Variants in GDNF observed in about 807,000 individuals in gnomAD.
GDNF encodes glial cell line-derived neurotrophic factor.
Under a neutral mutation model 13.7 loss-of-function variants are expected in GDNF, and 5 were observed. That is an observed-to-expected ratio of 0.36 (90% CI 0.19 to 0.77). The LOEUF (loss-of-function observed/expected upper bound fraction) is 0.77. Ranked by LOEUF, GDNF falls within the 30% of genes least tolerant of loss-of-function variation. The pLI, the probability that GDNF is intolerant of heterozygous loss-of-function variation, is 0.51. For missense variants in GDNF, 246 were observed against 274.3 expected (o/e 0.90, Z 0.73); for synonymous variants, 122 against 112.5 (o/e 1.08, Z -0.53).
chr5:37,828,410 G>A (rs772343793), intron 2 of GDNF, among the ~76,000 whole-genome samples: 1 of 152,174 alleles, frequency 6.6e-6, no homozygotes, highest in Non-Finnish European at 1.5e-5. Context: ...TAAGCCTACC[G>A]CAGCCCAAAT....
chr5:37,819,281 C>A (rs1193807821), intron 2 of GDNF, among the ~76,000 whole-genome samples: 1 of 152,176 alleles, frequency 6.6e-6, no homozygotes, highest in Middle Eastern at 3.4e-3. Context: ...ACAGTCATTG[C>A]CCACCAGAGA....
rs1749775039 is a variant in GDNF at position 37,812,919 on chromosome 5, G to A, written c.*2732C>T. 6.6e-6 allele frequency: 1 copy of A among 152,202 alleles called. No individual in the cohort carries two copies. The highest frequency in any genetic ancestry group is 2.4e-5 in the African/African-American group (1 of 41,454). The allele number at this position is 152,202 out of a possible 1,614,324, so 9.4% of individuals were successfully genotyped here. A position where few individuals can be genotyped will look rare whatever the true frequency, so the allele number is the denominator to read the frequency against. On this transcript the variant is annotated 3_prime_UTR_variant, in exon 3 of 3. Coordinates refer to ENST00000326524, the MANE Select transcript of GDNF (RefSeq NM_000514.4). ...GCTTCCATTAAAACCTGCTTGTGGT[G>A]TGTAGGTGATGCCGGGAACGAGCTA...
rs1297758169 is a variant in GDNF, at chr5:37,838,187, G to T, written c.-27+1320C>A. Reference sequence around the variant, plus strand: ...CACTTCTCGCAGGCAAACTGGGAAAGCGGTCTGTTTAAAGGGCCAGGTTCC... The same window carrying T: ...CACTTCTCGCAGGCAAACTGGGAAATCGGTCTGTTTAAAGGGCCAGGTTCC... On this transcript the variant is annotated intron_variant, in intron 1 of 2. Coordinates refer to ENST00000326524, the MANE Select transcript of GDNF (RefSeq NM_000514.4). This position sits in a 1 kb window ranked among gnomAD's most constrained non-coding sequence, Gnocchi z 4.1. Among the ~76,000 whole-genome samples, 1 of 152,168 alleles carries T rather than the reference G, an allele frequency of 6.6e-6. No individual in the cohort carries two copies. The highest frequency in any genetic ancestry group is 2.4e-5 in the African/African-American group (1 of 41,426).
intron 2 of GDNF, among the ~76,000 whole-genome samples, chr5:37,818,469 G>C (rs1750009430): frequency 1.3e-5 from 2 of 152,130 alleles, no homozygotes; most frequent in Admixed American, 1.3e-4. Flanking sequence ...ATGATTGTGA[G>C]GCCTCTCCAG....
chr5:37,819,424 G>A (rs986833063), intron 2 of GDNF, among the ~76,000 whole-genome samples: 4 of 150,502 alleles, frequency 2.7e-5, no homozygotes, highest in Admixed American at 6.6e-5. Flanking sequence ...TCTTAAGGGG[G>A]CCCAGGGAAG....
chr5:37,818,620 C>T (rs1177748387), intron 2 of GDNF, among the ~76,000 whole-genome samples: 3 of 152,190 alleles, frequency 2.0e-5, no homozygotes, highest in Non-Finnish European at 2.9e-5. Context: ...CAAGGTATCT[C>T]TGGATATTGC....
At position 37,839,961 on chromosome 5, in the gene GDNF, T is replaced by C. The variant is rs1303140193; in HGVS notation, c.-481A>G. 1 of 152,294 alleles carries C rather than the reference T, an allele frequency of 6.6e-6. No individual in the cohort carries two copies. Among genetic ancestry groups the C allele is most frequent in the African/African-American group, 2.4e-5 (1 of 41,428 alleles). 9.4% of individuals were successfully genotyped at this position (152,294 alleles called of 1,614,324 possible). ...GATGCTGCTGCCGGAGCTGAGGTCT[T>C]GCCTGGAGATCCGAACGAGACACCA... is the stretch of plus-strand genomic sequence containing the variant. On this transcript the variant is annotated 5_prime_UTR_variant, in exon 1 of 3. Coordinates refer to ENST00000326524, the MANE Select transcript of GDNF (RefSeq NM_000514.4). The surrounding 1 kb of genome is among the most constrained non-coding windows in gnomAD (Gnocchi z 5.5).
At chr5:37,827,588 C>T (rs1265021578) in intron 2 of GDNF, among the ~76,000 whole-genome samples, 1 of 152,222 alleles carries the variant, frequency 6.6e-6, no homozygotes, top group Non-Finnish European at 1.5e-5. Context: ...CTTGGGAAGC[C>T]TCAGTGCTTT....
chr5:37,835,866 C>A (rs758693140), intron 1 of GDNF: 17 of 610,318 alleles, frequency 2.8e-5, no homozygotes, highest in Admixed American at 1.1e-4. Context: ...CGTGGTACGG[C>A]GCAGAGTAGG....
intron 2 of GDNF, among the ~76,000 whole-genome samples, chr5:37,820,795 T>C (rs905808484): frequency 6.6e-6 from 1 of 152,182 alleles, no homozygotes. Flanking sequence ...TCCTGGCATG[T>C]GGCTTTTGAA....
intron 2 of GDNF, among the ~76,000 whole-genome samples, chr5:37,825,707 T>G (rs1750288686): frequency 6.6e-6 from 1 of 152,214 alleles, no homozygotes; most frequent in South Asian, 2.1e-4. Context: ...CCTGAGAGGC[T>G]GCAGGACCCT....
chr5:37,815,893 G>T lies in GDNF; in HGVS notation c.394C>A (p.Leu132Met). ...AGTTCCTCCTTGGTTTCATAGCCCA[G>T]ACCCAAGTCAGTGACATTTAAATGT... Reference protein sequence around the residue: ...AIHLNVTDLGLGYETKEELIF... With the variant: ...AIHLNVTDLGMGYETKEELIF... The change falls in exon 3 of 3, where the codon CTG (leucine) becomes ATG (methionine). Residue 132 changes from leucine to methionine, a missense_variant. By Grantham distance (15) the Leu-to-Met change is conservative. Transcript: ENST00000326524. This position sits in a 1 kb window ranked among gnomAD's most constrained non-coding sequence, Gnocchi z 5.0. The T allele has an allele frequency of 6.2e-7, 1 of 1,614,132 alleles. No homozygotes were observed.
Position 37,838,578 on chromosome 5 carries a change from T to C in GDNF, c.-27+929A>G, listed in dbSNP as rs1185569752. On this transcript the variant is annotated intron_variant, in intron 1 of 2. Transcript: ENST00000326524. The surrounding 1 kb of genome is among the most constrained non-coding windows in gnomAD (Gnocchi z 4.1). ...AGCCCCCCGGGGGCGCGCACATGGG[T>C]CCTGGCGGCGGATTCTACCAAAGCC... Among the ~76,000 whole-genome samples, 2 of 152,168 alleles carry C rather than the reference T, an allele frequency of 1.3e-5. No individual in the cohort carries two copies. The highest frequency in any genetic ancestry group is 2.9e-5 in the Non-Finnish European group (2 of 67,994).
chr5:37,824,777 C>T (rs895070840), intron 2 of GDNF, among the ~76,000 whole-genome samples: 5 of 152,194 alleles, frequency 3.3e-5, no homozygotes, highest in African/African-American at 1.2e-4. Context: ...GGTTAACTTT[C>T]AGAAGTGTCC....
chr5:37,835,133 C>T (rs534203040), intron 1 of GDNF, among the ~76,000 whole-genome samples: 130 of 151,868 alleles, frequency 8.6e-4, no homozygotes, highest in African/African-American at 2.9e-3. Flanking sequence ...CCCCCACCAC[C>T]ACGATTCCTG....
rs1171669281 is a variant in GDNF, at chr5:37,837,164, T to TA, written c.-27+2342dup. On this transcript the variant is annotated intron_variant, in intron 1 of 2. Transcript: ENST00000326524. The surrounding 1 kb of genome is among the most constrained non-coding windows in gnomAD (Gnocchi z 6.5). The stretch of plus-strand genomic sequence containing the variant: ...ACAGCGTCTACTAGGACGTTTTTCT[T>TA]AGAGTCCGTGTGGGCTCCACCCCTC... 3.3e-5 allele frequency among the ~76,000 whole-genome samples: 5 copies of TA among 152,206 alleles called. No homozygotes were observed. The highest frequency in any genetic ancestry group is 6.5e-5 in the Admixed American group (1 of 15,284).
Position 37,837,590 on chromosome 5 carries a change from G to A in GDNF, c.-27+1917C>T, listed in dbSNP as rs1053833230. On this transcript the variant is annotated intron_variant, in intron 1 of 2. Coordinates refer to ENST00000326524, the MANE Select transcript of GDNF (RefSeq NM_000514.4). This position sits in a 1 kb window ranked among gnomAD's most constrained non-coding sequence, Gnocchi z 6.5. ...GGGCACCAGAAACCGTCTGAGCCGT[G>A]TCGCGCCCACGCGGCCCGGAGGCTG... Among the ~76,000 whole-genome samples, 53 of 152,356 alleles carry A rather than the reference G, an allele frequency of 3.5e-4. No homozygotes were observed. Among genetic ancestry groups the A allele is most frequent in the African/African-American group, 1.2e-3 (49 of 41,586 alleles).
In GDNF at chr5:37,839,906, A is replaced by G. The variant is rs1750838452; in HGVS notation, c.-426T>C. On this transcript the variant is annotated 5_prime_UTR_variant, in exon 1 of 3. Coordinates refer to ENST00000326524, the MANE Select transcript of GDNF (RefSeq NM_000514.4). The surrounding 1 kb of genome is among the most constrained non-coding windows in gnomAD (Gnocchi z 5.5). ...CGCGCTCTGCGCCTCCTCTGGGCGC[A>G]CTGCCTGGGAGCACGAGACTGGTTT... 1 of 152,320 alleles carries G rather than the reference A, an allele frequency of 6.6e-6. No individual in the cohort carries two copies. The highest frequency in any genetic ancestry group is 2.4e-5 in the African/African-American group (1 of 41,438). 9.4% of individuals were successfully genotyped at this position (152,320 alleles called of 1,614,324 possible).
intron 2 of GDNF, among the ~76,000 whole-genome samples, chr5:37,832,353 CTGGT>C (rs2111709544): frequency 6.6e-6 from 1 of 152,314 alleles, no homozygotes; most frequent in African/African-American, 2.4e-5. Flanking sequence ...CGTGTTGACA[CTGGT>C]TGAGTGTTCA....
Sources: allele counts gnomAD v4.1 joint callset (sites outside exome capture counted in the v4.1 genomes callset), GRCh38; gene constraint gnomAD v4.1.1; non-coding constraint Gnocchi (gnomAD v3.1); transcripts MANE v1.5; gene names NCBI Gene and HGNC (gene_info 2026-07-23, HGNC 2026-07-21).